TNR: variants seen among roughly 807,000 people sequenced by gnomAD.
The protein encoded by TNR is tenascin R, also known as tenascin-R.
TNR carries 45 observed loss-of-function variants against 150.4 expected under a neutral mutation model. The ratio of observed to expected loss-of-function variants is 0.30; its 90% CI spans 0.24 to 0.38. TNR has a LOEUF of 0.38. TNR is among the 10% of genes least tolerant of loss of function. TNR has a pLI of 1.00. For missense variants in TNR, 1,544 were observed against 1,759.1 expected (o/e 0.88, Z 2.19); for synonymous variants, 687 against 678.4 (o/e 1.01, Z -0.20).
chr1:175,733,442 C>T (rs770006608), intron 1 of TNR, among the ~76,000 whole-genome samples: 16 of 152,322 alleles, frequency 1.1e-4, no homozygotes, highest in Admixed American at 2.6e-4. Context: ...AGTGAAGACA[C>T]GGCCGGAGAA....
chr1:175,356,246 T>C, intron 16 of TNR, 73 bp downstream of exon 16: 2 of 1,579,966 alleles, frequency 1.3e-6, no homozygotes, highest in Admixed American at 3.4e-5. Flanking sequence ...GATAATCTAG[T>C]CCACCACAAG....
intron 1 of TNR, among the ~76,000 whole-genome samples, chr1:175,740,576 C>A (rs572124308): frequency 6.6e-6 from 1 of 152,160 alleles, no homozygotes; most frequent in South Asian, 2.1e-4. Context: ...GGCAGCCCAG[C>A]AGTCTCCCCT....
chr1:175,693,189 A>T (rs1666420841), intron 1 of TNR, among the ~76,000 whole-genome samples: 1 of 152,178 alleles, frequency 6.6e-6, no homozygotes, highest in South Asian at 2.1e-4. Flanking sequence ...ATCACACACA[A>T]TCCCAGCTTG....
intron 2 of TNR, among the ~76,000 whole-genome samples, chr1:175,512,919 C>G (rs183358918): frequency 6.6e-6 from 1 of 152,188 alleles, no homozygotes; most frequent in Admixed American, 6.5e-5. Flanking sequence ...CAGAAGTTCT[C>G]TGGTTTAGGT....
intron 1 of TNR, among the ~76,000 whole-genome samples, chr1:175,709,689 G>A (rs972990333): frequency 6.6e-6 from 1 of 152,154 alleles, no homozygotes; most frequent in Non-Finnish European, 1.5e-5. Flanking sequence ...TAGACATCGT[G>A]TTGTGGTACA....
At chr1:175,343,489 A>T (rs1650625830) in intron 18 of TNR, among the ~76,000 whole-genome samples, 1 of 152,214 alleles carries the variant, frequency 6.6e-6, no homozygotes, top group South Asian at 2.1e-4. Flanking sequence ...TAATCAAGAA[A>T]GACTTCCTAC....
At chr1:175,450,608 A>G (rs1219496629) in intron 2 of TNR, among the ~76,000 whole-genome samples, 1 of 152,256 alleles carries the variant, frequency 6.6e-6, no homozygotes, top group African/African-American at 2.4e-5. Flanking sequence ...GAGCTCCGAG[A>G]GAACAAAGAC....
intron 5 of TNR, among the ~76,000 whole-genome samples, chr1:175,395,604 CA>C (rs1216139654): frequency 8.7e-6 from 1 of 115,576 alleles, no homozygotes; most frequent in Non-Finnish European, 1.8e-5. Context: ...GGCACAGAGG[CA>C]TTTGTGTGCA....
chr1:175,519,453 A>G (rs1659548091), intron 2 of TNR, among the ~76,000 whole-genome samples: 1 of 152,176 alleles, frequency 6.6e-6, no homozygotes, highest in African/African-American at 2.4e-5. Flanking sequence ...AAAATGCATC[A>G]CCATGCTTCC....
Position 175,736,244 on chromosome 1 carries a change from G to A in TNR, c.-165+6982C>T, listed in dbSNP as rs546297814. ...AAACTTAAGGAAGATGTGGTGGGCC[G>A]GGCGTGGTGGCTCACGCCTGTAATC... On this transcript the variant is annotated intron_variant, in intron 1 of 22. Transcript: ENST00000367674. Among the ~76,000 whole-genome samples the A allele has an allele frequency of 1.5e-3, 235 of 152,332 alleles. 1 individual carries two copies. Among genetic ancestry groups the A allele is most frequent in the African/African-American group, 5.3e-3 (220 of 41,562 alleles).
intron 1 of TNR, among the ~76,000 whole-genome samples, chr1:175,547,569 G>A (rs1557999212): frequency 4.8e-5 from 1 of 20,762 alleles, no homozygotes; most frequent in Non-Finnish European, 1.0e-4. Context: ...TAGAAGGAAA[G>A]AAAGAAAGAA....
chr1:175,499,153 T>C (rs1316623496), intron 2 of TNR, among the ~76,000 whole-genome samples: 1 of 152,238 alleles, frequency 6.6e-6, no homozygotes, highest in Non-Finnish European at 1.5e-5. Flanking sequence ...GTTTTTATTG[T>C]CAGCTCTTCC....
At chr1:175,355,726 G>A (rs1651293381) in intron 16 of TNR, 93 bp from the exon 17 acceptor site, 2 of 1,560,460 alleles carry the variant, frequency 1.3e-6, no homozygotes, top group East Asian at 2.3e-5. Flanking sequence ...CCACCTCTTT[G>A]GTCTCAGGAT....
intron 18 of TNR, among the ~76,000 whole-genome samples, chr1:175,340,978 T>G (rs2101994797): frequency 6.6e-6 from 1 of 152,304 alleles, no homozygotes; most frequent in East Asian, 1.9e-4. Context: ...GGAGAGGGGA[T>G]AAGAGATTGC....
At chr1:175,632,509 T>C (rs1316767586) in intron 1 of TNR, among the ~76,000 whole-genome samples, 3 of 152,200 alleles carry the variant, frequency 2.0e-5, no homozygotes, top group African/African-American at 7.2e-5. Context: ...AACAAAACTA[T>C]CTGAGATTTG....
intron 2 of TNR, among the ~76,000 whole-genome samples, chr1:175,438,604 T>C (rs1655626704): frequency 2.0e-5 from 3 of 152,216 alleles, no homozygotes; most frequent in African/African-American, 7.2e-5. Context: ...AGTTTGCAGA[T>C]GACATGATTG....
intron 1 of TNR, among the ~76,000 whole-genome samples, chr1:175,555,515 G>GGA (rs771916145): frequency 7.0e-5 from 9 of 127,904 alleles, no homozygotes; most frequent in African/African-American, 1.2e-4. Context: ...ACAACTGAGA[G>GGA]AAAAAAAAAA....
chr1:175,413,682 GA>G (rs55708199), intron 2 of TNR, among the ~76,000 whole-genome samples: 152,341 of 152,342 alleles, frequency 1, 76,170 homozygotes, highest in Non-Finnish European at 1. Flanking sequence ...TAAAATGGTG[GA>G]TAGGAGAAGC....
At position 175,367,307 on chromosome 1, in the gene TNR, G is replaced by C. The variant is rs1379036421; in HGVS notation, c.1964-10C>G. 1 of 1,612,784 alleles carries C rather than the reference G, an allele frequency of 6.2e-7. No homozygotes were observed. Among genetic ancestry groups the C allele is most frequent in the Non-Finnish European group, 8.5e-7 (1 of 1,178,726 alleles). On this transcript the variant is annotated splice_polypyrimidine_tract_variant and intron_variant, in intron 9 of 22. Coordinates refer to ENST00000367674, the MANE Select transcript of TNR (RefSeq NM_003285.3). ...GTGCCAGGTACCAGATCTATCAGTG[G>C]ATGGAGAAACAAACATTATTCTGTG...
Sources: gnomAD v4.1 joint callset for allele counts (sites outside exome capture counted in the v4.1 genomes callset) on GRCh38, gnomAD v4.1.1 for gene constraint, MANE v1.5 for transcripts, NCBI Gene and HGNC (gene_info 2026-07-23, HGNC 2026-07-21) for gene names.